Variants in EHBP1 observed in about 807,000 individuals in gnomAD.
EHBP1 encodes EH domain binding protein 1, also known as EH domain-binding protein 1.
Under a neutral mutation model 144.0 loss-of-function variants are expected in EHBP1, and 55 were observed. The observed-to-expected ratio is 0.38, with a 90% confidence interval of 0.31 to 0.48. The LOEUF is 0.48. Among genes scored for constraint, EHBP1 ranks in the 20% least tolerant of loss-of-function variants. EHBP1 has a pLI of 0.98. For missense variants in EHBP1, 1,200 were observed against 1,364.2 expected (o/e 0.88, Z 1.90); for synonymous variants, 469 against 472.7 (o/e 0.99, Z 0.10).
At chr2:62,863,668 T>A (rs1003189437) in intron 8 of EHBP1, among the ~76,000 whole-genome samples, 1 of 151,974 alleles carries the variant, frequency 6.6e-6, no homozygotes. Context: ...TTGAAAACTT[T>A]GAGAAAACAA....
At chr2:62,985,694 T>G (rs1334821140) in intron 15 of EHBP1, among the ~76,000 whole-genome samples, 1 of 152,226 alleles carries the variant, frequency 6.6e-6, no homozygotes, top group Non-Finnish European at 1.5e-5. Flanking sequence ...ATTCCTCCTT[T>G]CATGCCTGTA....
At chr2:62,789,006 G>A (rs1304165429) in intron 5 of EHBP1, among the ~76,000 whole-genome samples, 4 of 152,202 alleles carry the variant, frequency 2.6e-5, no homozygotes, top group African/African-American at 9.6e-5. Context: ...AAAATGTCTT[G>A]TCTTTGGCAG....
At chr2:62,982,598 G>T (rs182663437) in intron 15 of EHBP1, among the ~76,000 whole-genome samples, 1 of 152,152 alleles carries the variant, frequency 6.6e-6, no homozygotes, top group Non-Finnish European at 1.5e-5. Context: ...TTGCTAAGGA[G>T]TAGTGTGAAA....
chr2:62,928,347 G>T (rs2055699500), intron 10 of EHBP1, among the ~76,000 whole-genome samples: 1 of 152,106 alleles, frequency 6.6e-6, no homozygotes, highest in Non-Finnish European at 1.5e-5. Context: ...ACTTTATTCT[G>T]CTTGTAAGGC....
At chr2:62,737,550 C>T (rs1047156294) in intron 2 of EHBP1, among the ~76,000 whole-genome samples, 2 of 152,136 alleles carry the variant, frequency 1.3e-5, no homozygotes, top group Non-Finnish European at 2.9e-5. Flanking sequence ...GTGGTTTGCC[C>T]TGCGACCTCA....
chr2:62,979,363 A>C, intron 15 of EHBP1, 28 bp downstream of exon 15: 1 of 1,608,268 alleles, frequency 6.2e-7, no homozygotes, highest in Non-Finnish European at 8.5e-7. Context: ...CTATCATTCT[A>C]CAGACAACCC....
Position 63,010,609 on chromosome 2 carries a change from T to C in EHBP1, c.3103+13843T>C, listed in dbSNP as rs1198818137. Among the ~76,000 whole-genome samples, 50 of 151,712 alleles carry C rather than the reference T, an allele frequency of 3.3e-4. 1 individual carries two copies. The highest frequency in any genetic ancestry group is 3.3e-3 in the Admixed American group (50 of 15,216). On this transcript the variant is annotated intron_variant, in intron 19 of 22. Transcript: ENST00000431489. ...GTAAATATGTGTAATAAAACAATTG[T>C]AAAACATTTATTTAGGAAAATATAA...
chr2:62,828,185 T>C (rs2046484195), intron 6 of EHBP1, among the ~76,000 whole-genome samples: 1 of 152,210 alleles, frequency 6.6e-6, no homozygotes, highest in Non-Finnish European at 1.5e-5. Flanking sequence ...TGTAAAGCCA[T>C]ACTATATTTA....
At chr2:62,827,566 C>A (rs1423460075) in intron 6 of EHBP1, among the ~76,000 whole-genome samples, 1 of 152,202 alleles carries the variant, frequency 6.6e-6, no homozygotes, top group African/African-American at 2.4e-5. Flanking sequence ...ACATCCTAAA[C>A]TGCCTCTCTA....
At chr2:62,971,245 A>T (rs777890209) in intron 14 of EHBP1, among the ~76,000 whole-genome samples, 2 of 152,224 alleles carry the variant, frequency 1.3e-5, no homozygotes, top group Non-Finnish European at 2.9e-5. Flanking sequence ...TTTTTGCACC[A>T]TAACAGGACT....
At chr2:62,925,093 A>C (rs779819028) in intron 10 of EHBP1, among the ~76,000 whole-genome samples, 6 of 152,256 alleles carry the variant, frequency 3.9e-5, no homozygotes, top group Non-Finnish European at 7.3e-5. Flanking sequence ...ACATCCATAG[A>C]ATAAAGGATG....
chr2:62,900,700 A>G (rs748796624), intron 10 of EHBP1, among the ~76,000 whole-genome samples: 25 of 150,534 alleles, frequency 1.7e-4, no homozygotes, highest in South Asian at 2.1e-4. Context: ...ATATATATAT[A>G]TATTTTCTTT....
In EHBP1 at chr2:62,841,271, ATAGG is replaced by A. The variant is rs556755692; in HGVS notation, c.634+10115_634+10118del. On this transcript the variant is annotated intron_variant, in intron 7 of 22. Coordinates refer to ENST00000431489, the MANE Select transcript of EHBP1 (RefSeq NM_001142616.3). ...AACCAAACACCGCATATTCTCACTCATAGGTGGGAACTGAACAATGAGATCACAT... is the reference window on the plus strand; with the variant it reads ...AACCAAACACCGCATATTCTCACTCATGGGAACTGAACAATGAGATCACAT... 3.2e-3 allele frequency among the ~76,000 whole-genome samples: 476 copies of A among 147,758 alleles called. 4 individuals carry two copies. Among genetic ancestry groups the A allele is most frequent in the African/African-American group, 0.011 (449 of 39,928 alleles).
intron 10 of EHBP1, among the ~76,000 whole-genome samples, chr2:62,890,524 A>G (rs2152910886): frequency 1.3e-5 from 2 of 152,174 alleles, no homozygotes; most frequent in South Asian, 4.1e-4. Context: ...TTGGTTCTTG[A>G]TTTGGCTGTC....
At position 62,955,635 on chromosome 2, in the gene EHBP1, C is replaced by G. The variant is rs752478487; in HGVS notation, c.2435C>G (p.Pro812Arg). The change falls in exon 14 of 23, where the codon CCA becomes CGA. Residue 812 changes from proline to arginine, a missense_variant. Pro to Arg is a moderately radical substitution (Grantham distance 103). Coordinates refer to ENST00000431489, the MANE Select transcript of EHBP1 (RefSeq NM_001142616.3). Reference sequence around the variant, plus strand: ...AAGCACAATACCAACACAGCCACCCCATTCTGCAACAGGCAGCTAAGTGAT... The same window carrying G: ...AAGCACAATACCAACACAGCCACCCGATTCTGCAACAGGCAGCTAAGTGAT... ...GNKHNTNTAT[P>R]FCNRQLSDQQ... 1.9e-6 allele frequency: 3 copies of G among 1,611,426 alleles called. No individual in the cohort carries two copies. In the Admixed American group the frequency reaches 5.0e-5, roughly 27 times the overall value.
chr2:62,848,206 G>GTAGC (rs2048433310), intron 7 of EHBP1, among the ~76,000 whole-genome samples: 1 of 151,674 alleles, frequency 6.6e-6, no homozygotes, highest in Non-Finnish European at 1.5e-5. Context: ...AGCCTCTTGA[G>GTAGC]TAGCTGGGAC....
chr2:62,825,184 A>T (rs974268770), intron 5 of EHBP1, among the ~76,000 whole-genome samples: 2 of 152,036 alleles, frequency 1.3e-5, no homozygotes, highest in Non-Finnish European at 2.9e-5. Context: ...TCCCTTTGCC[A>T]TAGAACCTGC....
At chr2:62,901,180 G>A (rs1053247516) in intron 10 of EHBP1, among the ~76,000 whole-genome samples, 3 of 152,044 alleles carry the variant, frequency 2.0e-5, no homozygotes, top group African/African-American at 7.2e-5. Flanking sequence ...AAGTGTTCCC[G>A]TATTTTAGTC....
chr2:62,869,037 G>C (rs554830056), intron 9 of EHBP1, among the ~76,000 whole-genome samples: 5 of 152,096 alleles, frequency 3.3e-5, no homozygotes, highest in African/African-American at 4.8e-5. Flanking sequence ...TATTGTATAG[G>C]AATGGAGAGA....
Sources: gnomAD v4.1 joint callset for allele counts (sites outside exome capture counted in the v4.1 genomes callset) on GRCh38, gnomAD v4.1.1 for gene constraint, MANE v1.5 for transcripts, NCBI Gene and HGNC (gene_info 2026-07-23, HGNC 2026-07-21) for gene names.